Variants in CAPN3 observed in about 807,000 individuals in gnomAD.
CAPN3 encodes calpain-3.
Under a neutral mutation model 114.0 loss-of-function variants are expected in CAPN3, and 88 were observed. The ratio of observed to expected loss-of-function variants is 0.77; its 90% CI spans 0.65 to 0.92. The LOEUF (loss-of-function observed/expected upper bound fraction) is 0.92, where lower values mean the gene tolerates loss of function less well. Among genes scored for constraint, CAPN3 ranks in the 40% least tolerant of loss-of-function variants. The pLI, the probability that CAPN3 is intolerant of heterozygous loss-of-function variation, is 0.00. For missense variants in CAPN3, 1,028 were observed against 1,069.0 expected (o/e 0.96, Z 0.53); for synonymous variants, 386 against 382.9 (o/e 1.01, Z -0.09).
At position 42,402,823 on chromosome 15, in the gene CAPN3, G is replaced by A. The variant is rs201116482; in HGVS notation, c.1566G>A (p.Lys522=). ...ACGGGAACAAGCAGCACCTGCAGAA[G>A]GACTTCTTCCTGTACAACGCCTCCA... ...EMHGNKQHLQ[K]DFFLYNASKA... Residue 522 remains lysine (K), a synonymous_variant, in exon 13 of 24, where the codon AAG becomes AAA. Coordinates refer to ENST00000397163, the MANE Select transcript of CAPN3 (RefSeq NM_000070.3). 19 of 1,614,182 alleles carry A rather than the reference G, an allele frequency of 1.2e-5. No homozygotes were observed. The highest frequency in any genetic ancestry group is 5.3e-5 in the African/African-American group (4 of 75,042).
intron 10 of CAPN3, among the ~76,000 whole-genome samples, 168 bp from the exon 11 acceptor site, chr15:42,401,473 G>GGCC (rs1566980177): frequency 5.5e-5 from 4 of 72,860 alleles, no homozygotes; most frequent in East Asian, 5.4e-4. Context: ...TAAAGGTAGC[G>GGCC]CCCCCCCCCC....
intron 9 of CAPN3, among the ~76,000 whole-genome samples, chr15:42,397,865 T>A (rs1484851394): frequency 6.6e-6 from 1 of 151,908 alleles, no homozygotes; most frequent in East Asian, 1.9e-4. Context: ...CTACAAAAAA[T>A]TTTAAAATTA....
At chr15:42,365,013 C>T (rs1462694127) in intron 1 of CAPN3, among the ~76,000 whole-genome samples, 1 of 152,186 alleles carries the variant, frequency 6.6e-6, no homozygotes, top group East Asian at 1.9e-4. Context: ...TCCACAGGGC[C>T]CTGCCCTGCA....
At chr15:42,409,681 G>A (rs768129163) in intron 17 of CAPN3, 106 bp from the exon 18 acceptor site, 237 of 1,057,044 alleles carry the variant, frequency 2.2e-4, no homozygotes, top group Middle Eastern at 4.5e-4. Context: ...TAATAGCACC[G>A]ACAGGGATTT....
At position 42,399,474 on chromosome 15, in the gene CAPN3, C is replaced by G. The variant is rs760022047; in HGVS notation, c.1194-18C>G. ...CACCTGCTCCCATATGGCTCTCTCT[C>G]TTCTTCCAACCTCTCAGGATGTCCT... On this transcript the variant is annotated intron_variant, in intron 9 of 23. Coordinates refer to ENST00000397163, the MANE Select transcript of CAPN3 (RefSeq NM_000070.3). The G allele has an allele frequency of 1.2e-6, 2 of 1,609,864 alleles. No homozygotes were observed. The highest frequency in any genetic ancestry group is 1.7e-6 in the Non-Finnish European group (2 of 1,176,270).
chr15:42,382,962 T>G (rs2053289366), intron 1 of CAPN3, among the ~76,000 whole-genome samples: 4 of 152,228 alleles, frequency 2.6e-5, no homozygotes, highest in African/African-American at 9.6e-5. Flanking sequence ...TCAAAACTAT[T>G]TTTAAACAGT....
chr15:42,368,061 C>T (rs1425386498), intron 1 of CAPN3, among the ~76,000 whole-genome samples: 1 of 152,214 alleles, frequency 6.6e-6, no homozygotes, highest in Non-Finnish European at 1.5e-5. Flanking sequence ...TGCTATAAAC[C>T]TTACACAGCC....
At chr15:42,390,193 C>G in intron 6 of CAPN3, 97 bp downstream of exon 6, 1 of 1,336,036 alleles carries the variant, frequency 7.5e-7, no homozygotes, top group Non-Finnish European at 1.1e-6. Context: ...AGGGCCTTAC[C>G]CACACACCCC....
chr15:42,371,453 A>G (rs907270655), intron 1 of CAPN3, among the ~76,000 whole-genome samples: 2 of 152,174 alleles, frequency 1.3e-5, no homozygotes, highest in Non-Finnish European at 2.9e-5. Context: ...AAATAAGGCA[A>G]AGCATCTTTT....
intron 1 of CAPN3, among the ~76,000 whole-genome samples, chr15:42,379,970 G>C (rs552091671): frequency 6.6e-6 from 1 of 152,258 alleles, no homozygotes; most frequent in South Asian, 2.1e-4. Flanking sequence ...TACAAAATTA[G>C]CCGAGCATGA....
At chr15:42,371,635 T>A (rs1245097825) in intron 1 of CAPN3, among the ~76,000 whole-genome samples, 2 of 152,186 alleles carry the variant, frequency 1.3e-5, no homozygotes, top group South Asian at 4.1e-4. Context: ...AGATACCTTC[T>A]CCCACCTTGT....
Position 42,389,315 on chromosome 15 carries a change from G to A in CAPN3, c.801+219G>A, listed in dbSNP as rs2289294. Among the ~76,000 whole-genome samples the A allele has an allele frequency of 2.7e-3, 410 of 152,308 alleles. 16 individuals carry two copies. In the East Asian group the frequency reaches 0.071, roughly 27 times the overall value. ...ACTGGTCAAGGACATTTCAAGCCCTGGAATGTCAGTGGAAATCAGTCCAGA... is the reference window on the plus strand; with the variant it reads ...ACTGGTCAAGGACATTTCAAGCCCTAGAATGTCAGTGGAAATCAGTCCAGA... On this transcript the variant is annotated intron_variant, in intron 5 of 23. Coordinates refer to ENST00000397163, the MANE Select transcript of CAPN3 (RefSeq NM_000070.3).
intron 1 of CAPN3, among the ~76,000 whole-genome samples, chr15:42,372,823 G>C (rs1435807366): frequency 6.6e-6 from 1 of 151,668 alleles, no homozygotes; most frequent in Non-Finnish European, 1.5e-5. Flanking sequence ...ACTCCAGCTT[G>C]GGTGACAGAG....
In CAPN3 at chr15:42,392,649, C is replaced by G; in HGVS notation, c.956C>G (p.Pro319Arg). The part of the protein sequence containing the change: ...SDERPTRTII[P>R]VQYETRMACG... ...GTTACTGCTCTACAGACAATCATTC[C>G]GGTTCAGTATGAGACAAGAATGGCC... The change falls in exon 7 of 24, where the codon CCG becomes CGG. Residue 319 changes from proline to arginine, a missense_variant. Coordinates refer to ENST00000397163, the MANE Select transcript of CAPN3 (RefSeq NM_000070.3). 2 of 1,613,316 alleles carry G rather than the reference C, an allele frequency of 1.2e-6. No individual in the cohort carries two copies. The highest frequency in any genetic ancestry group is 1.7e-4 in the Middle Eastern group (1 of 6,058).
intron 1 of CAPN3, among the ~76,000 whole-genome samples, chr15:42,379,806 T>C (rs2141143091): frequency 6.6e-6 from 1 of 152,330 alleles, no homozygotes; most frequent in African/African-American, 2.4e-5. Context: ...TCTTTATCTA[T>C]GAGTTTTTAT....
chr15:42,402,551 C>T, intron 12 of CAPN3: 2 of 1,459,374 alleles, frequency 1.4e-6, no homozygotes, highest in East Asian at 2.5e-5. Context: ...TGAGGAGCAG[C>T]TGTTCTGGTA....
chr15:42,398,632 CACATAT>C (rs1289974247), intron 9 of CAPN3, among the ~76,000 whole-genome samples: 2 of 128,152 alleles, frequency 1.6e-5, no homozygotes, highest in African/African-American at 7.1e-5. Flanking sequence ...CACACACACA[CACATAT>C]ATATACACAC....
intron 14 of CAPN3, 75 bp downstream of exon 14, chr15:42,403,852 A>T: frequency 7.6e-7 from 1 of 1,322,768 alleles, no homozygotes. Context: ...CAGATGGTGC[A>T]GGGGAGAATG....
intron 6 of CAPN3, among the ~76,000 whole-genome samples, chr15:42,391,814 T>C (rs941809373): frequency 1.3e-5 from 2 of 152,194 alleles, no homozygotes; most frequent in African/African-American, 4.8e-5. Flanking sequence ...CTGGGACTCT[T>C]GATTTCTTGA....
Sources: gnomAD v4.1 joint callset for allele counts (sites outside exome capture counted in the v4.1 genomes callset) on GRCh38, gnomAD v4.1.1 for gene constraint, MANE v1.5 for transcripts, NCBI Gene and HGNC (gene_info 2026-07-23, HGNC 2026-07-21) for gene names.